KAZN: variants seen among roughly 807,000 people sequenced by gnomAD.
The protein encoded by KAZN is kazrin, periplakin interacting protein, also known as kazrin.
Under a neutral mutation model 87.4 loss-of-function variants are expected in KAZN, and 40 were observed. That is an observed-to-expected ratio of 0.46 (90% CI 0.36 to 0.60). The LOEUF (loss-of-function observed/expected upper bound fraction) is 0.60, where lower values mean the gene tolerates loss of function less well. KAZN is among the 20% of genes least tolerant of loss of function. KAZN has a pLI of 0.00. For missense variants in KAZN, 898 were observed against 1,073.9 expected, an observed-to-expected ratio of 0.84 and a Z score of 2.29; for synonymous variants, 466 against 458.3, an observed-to-expected ratio of 1.02 and a Z score of -0.22.
At chr1:14,854,920 C>T (rs1029907737) in intron 1 of KAZN, among the ~76,000 whole-genome samples, 1 of 152,098 alleles carries the variant, frequency 6.6e-6, no homozygotes, top group Non-Finnish European at 1.5e-5. Flanking sequence ...TAGGGTCCAG[C>T]CAATATTCTC....
At chr1:14,830,997 C>T (rs952467094) in intron 1 of KAZN, among the ~76,000 whole-genome samples, 1 of 152,200 alleles carries the variant, frequency 6.6e-6, no homozygotes, top group Non-Finnish European at 1.5e-5. Flanking sequence ...CCTCTTCATG[C>T]TGTGCATCCC....
rs116392298 is a variant in KAZN, at chr1:14,783,132, T to C, written c.227-177552T>C. 5.3e-3 allele frequency among the ~76,000 whole-genome samples: 810 copies of C among 152,290 alleles called. 8 individuals are homozygous for C. The highest frequency in any genetic ancestry group is 0.018 in the African/African-American group (768 of 41,552). Reference sequence around the variant, plus strand: ...CAGTGCAGCCTCAGCTTAGATTGGCTGTAACATGTCAGAATGTGATGAGGC... The same window carrying C: ...CAGTGCAGCCTCAGCTTAGATTGGCCGTAACATGTCAGAATGTGATGAGGC... On this transcript the variant is annotated intron_variant, in intron 1 of 14. Transcript: ENST00000376030.
intron 7 of KAZN, among the ~76,000 whole-genome samples, chr1:15,064,074 A>G (rs1639033528): frequency 6.6e-6 from 1 of 152,240 alleles, no homozygotes; most frequent in Non-Finnish European, 1.5e-5. Flanking sequence ...AATTCCCATT[A>G]TTATTGAAAA....
intron 1 of KAZN, among the ~76,000 whole-genome samples, chr1:14,686,411 A>G (rs1334918957): frequency 6.6e-6 from 1 of 152,192 alleles, no homozygotes; most frequent in African/African-American, 2.4e-5. Context: ...AGCTGATACC[A>G]TCCCACATTG....
chr1:14,005,364 C>A (rs1170850927), intron 1 of KAZN, among the ~76,000 whole-genome samples: 1 of 151,992 alleles, frequency 6.6e-6, no homozygotes, highest in East Asian at 1.9e-4. Context: ...AGGCAGGATA[C>A]AGAAGAGGGA....
intron 1 of KAZN, among the ~76,000 whole-genome samples, chr1:14,931,085 G>A (rs1419930497): frequency 1.3e-5 from 2 of 152,144 alleles, no homozygotes; most frequent in African/African-American, 4.8e-5. Flanking sequence ...GCTGGGAAGG[G>A]ACCATACTCC....
chr1:14,324,511 G>C (rs1343568722), intron 2 of KAZN, among the ~76,000 whole-genome samples: 1 of 152,178 alleles, frequency 6.6e-6, no homozygotes, highest in Non-Finnish European at 1.5e-5. Context: ...GGGGAGGCAA[G>C]GTGGTAAATG....
chr1:14,999,517 T>TCCCCCCCCCCCCCCCCCCCCCC (rs1557701638), intron 2 of KAZN, among the ~76,000 whole-genome samples: 1 of 80,992 alleles, frequency 1.2e-5, no homozygotes, highest in African/African-American at 4.9e-5. Context: ...CGCCCCGCCA[T>TCCCCCCCCCCCCCCCCCCCCCC]CCAGACCTTG....
chr1:14,888,226 C>T (rs1156991635), intron 1 of KAZN, among the ~76,000 whole-genome samples: 1 of 152,238 alleles, frequency 6.6e-6, no homozygotes, highest in South Asian at 2.1e-4. Context: ...GGCCTCTGCC[C>T]AGCCCGGCCT....
At chr1:14,264,384 C>T (rs578165330) in intron 2 of KAZN, among the ~76,000 whole-genome samples, 4 of 152,278 alleles carry the variant, frequency 2.6e-5, no homozygotes, top group South Asian at 2.1e-4. Flanking sequence ...TTTAATGTGT[C>T]CCCTAAAACT....
intron 2 of KAZN, among the ~76,000 whole-genome samples, chr1:14,985,897 C>G (rs190776996): frequency 3.3e-5 from 5 of 149,906 alleles, no homozygotes; most frequent in Non-Finnish European, 4.4e-5. Flanking sequence ...CAGCTACTCA[C>G]GAGGCTGAGG....
intron 2 of KAZN, among the ~76,000 whole-genome samples, chr1:14,574,752 A>G (rs1177963920): frequency 2.6e-5 from 4 of 152,140 alleles, no homozygotes; most frequent in Non-Finnish European, 5.9e-5. Context: ...TGAGCATGCA[A>G]AGGTAAGAGA....
intron 2 of KAZN, among the ~76,000 whole-genome samples, chr1:14,259,351 C>T (rs375786335): frequency 1.3e-5 from 2 of 152,106 alleles, no homozygotes; most frequent in Admixed American, 6.5e-5. Flanking sequence ...ATGGAGCTGA[C>T]GGAGGCTTGC....
At chr1:14,220,270 G>A (rs1170936807) in intron 2 of KAZN, among the ~76,000 whole-genome samples, 2 of 152,118 alleles carry the variant, frequency 1.3e-5, no homozygotes, top group African/African-American at 2.4e-5. Context: ...ATGTCCATCT[G>A]TCACCACAAA....
intron 1 of KAZN, among the ~76,000 whole-genome samples, chr1:14,746,295 G>A (rs1384469151): frequency 6.6e-6 from 1 of 152,004 alleles, no homozygotes; most frequent in Non-Finnish European, 1.5e-5. Flanking sequence ...CTGGAGTGGC[G>A]AAGACCACAG....
chr1:14,840,664 C>T (rs974059632), intron 1 of KAZN, among the ~76,000 whole-genome samples: 6 of 152,224 alleles, frequency 3.9e-5, no homozygotes, highest in South Asian at 2.1e-4. Flanking sequence ...GCAGAAAGAG[C>T]GTGGTCATTT....
chr1:14,499,647 A>T (rs1670136243), intron 2 of KAZN, among the ~76,000 whole-genome samples: 1 of 152,216 alleles, frequency 6.6e-6, no homozygotes, highest in Non-Finnish European at 1.5e-5. Context: ...GCAGGTGTAG[A>T]CAGGACAGGG....
intron 2 of KAZN, among the ~76,000 whole-genome samples, chr1:14,425,717 C>T (rs1411306142): frequency 6.6e-6 from 1 of 152,156 alleles, no homozygotes; most frequent in Admixed American, 6.5e-5. Flanking sequence ...CTGATTGCTC[C>T]ACCTGCATTA....
chr1:15,006,325 C>G (rs1340053621), intron 2 of KAZN, among the ~76,000 whole-genome samples: 5 of 152,196 alleles, frequency 3.3e-5, no homozygotes, highest in Non-Finnish European at 7.3e-5. Flanking sequence ...GGAGCCCTCT[C>G]CTACCTGCAG....
Sources: allele counts gnomAD v4.1 joint callset (sites outside exome capture counted in the v4.1 genomes callset), GRCh38; gene constraint gnomAD v4.1.1; transcripts MANE v1.5; gene names NCBI Gene and HGNC (gene_info 2026-07-23, HGNC 2026-07-21).